Variants in NRK observed in about 807,000 individuals in gnomAD.
The protein encoded by NRK is Nik related kinase.
NRK carries 67 observed loss-of-function variants against 125.2 expected under a neutral mutation model. The ratio of observed to expected loss-of-function variants is 0.54; its 90% CI spans 0.44 to 0.66. The LOEUF is 0.66. Among genes scored for constraint, NRK ranks in the 30% least tolerant of loss-of-function variants. The probability of loss-of-function intolerance (pLI) is 0.00; values close to 1 mark genes in which losing one functional copy is unlikely to be tolerated. For synonymous variants in NRK, 458 were observed against 429.0 expected (o/e 1.07, Z -0.84); for missense variants, 1,224 against 1,192.9 (o/e 1.03, Z -0.38).
chrX:105,931,077 G>A (rs754479857), intron 19 of NRK, among the ~76,000 whole-genome samples: 6 of 112,505 alleles, frequency 5.3e-5, no homozygotes, highest in Non-Finnish European at 9.4e-5. Flanking sequence ...TGGGATCAGT[G>A]CTGCTGAGCT....
At chrX:105,827,324 T>C (rs1356336599) in intron 1 of NRK, among the ~76,000 whole-genome samples, 1 of 112,231 alleles carries the variant, frequency 8.9e-6, no homozygotes. Context: ...GTCTCCTTCT[T>C]TTTGCAGCCT....
chrX:105,949,785 G>T, intron 27 of NRK, 51 bp downstream of exon 27: 6 of 826,163 alleles, frequency 7.3e-6, no homozygotes, highest in South Asian at 3.1e-5. Flanking sequence ...AATTTACAAG[G>T]GTAAAAAAGT....
Position 105,924,775 on chromosome X carries a change from A to G in NRK, c.3056A>G (p.Tyr1019Cys). Residue 1019 changes from tyrosine to cysteine, a missense_variant, in exon 19 of 29, where the codon TAT becomes TGT. Transcript: ENST00000243300. Reference sequence around the variant, plus strand: ...GGAAAAGAGGAAGCCTACAGAGGCTATGGAAGCCATACAGCCAATAGAAGC... The same window carrying G: ...GGAAAAGAGGAAGCCTACAGAGGCTGTGGAAGCCATACAGCCAATAGAAGC... Reference protein sequence around the residue: ...SRGKEEAYRGYGSHTANRSHG... With the variant: ...SRGKEEAYRGCGSHTANRSHG... The G allele has an allele frequency of 8.3e-7, 1 of 1,207,926 alleles. No individual in the cohort carries two copies. The highest frequency in any genetic ancestry group is 1.1e-6 in the Non-Finnish European group (1 of 893,023).
intron 26 of NRK, 142 bp downstream of exon 26, chrX:105,946,606 C>T (rs900139142): frequency 1.5e-5 from 6 of 404,283 alleles, no homozygotes; most frequent in Non-Finnish European, 2.1e-5. Context: ...GTATAGAGTG[C>T]CAGAAAGTGG....
chrX:105,890,430 A>G (rs1222607720), intron 5 of NRK, among the ~76,000 whole-genome samples: 1 of 112,080 alleles, frequency 8.9e-6, no homozygotes, highest in Non-Finnish European at 1.9e-5. Flanking sequence ...AGGTATCTTT[A>G]CAGCAGTGCC....
chrX:105,895,619 C>G, intron 7 of NRK, 96 bp downstream of exon 7: 1 of 577,866 alleles, frequency 1.7e-6, no homozygotes, highest in Non-Finnish European at 2.8e-6. Context: ...CTGCCAATAT[C>G]CTCTACTTAT....
At chrX:105,860,497 A>T (rs1469628690) in intron 2 of NRK, among the ~76,000 whole-genome samples, 1 of 110,345 alleles carries the variant, frequency 9.1e-6, no homozygotes, top group East Asian at 2.9e-4. Context: ...AACCATGATA[A>T]CTATTTGATT....
chrX:105,921,475 G>A (rs1415002546), intron 16 of NRK, among the ~76,000 whole-genome samples: 2 of 106,331 alleles, frequency 1.9e-5, no homozygotes, highest in African/African-American at 6.9e-5. Flanking sequence ...AAAACTTAAA[G>A]TATAATTAAA....
intron 1 of NRK, among the ~76,000 whole-genome samples, chrX:105,827,286 T>C (rs2039128015): frequency 8.9e-6 from 1 of 112,198 alleles, no homozygotes; most frequent in Non-Finnish European, 1.9e-5. Context: ...GAGGAAAGCC[T>C]CTGCTGTCTC....
intron 19 of NRK, among the ~76,000 whole-genome samples, chrX:105,929,598 T>C (rs1013295440): frequency 9.0e-6 from 1 of 111,405 alleles, no homozygotes; most frequent in East Asian, 2.8e-4. Flanking sequence ...TATTCTCTTA[T>C]TGTTAATCTA....
At chrX:105,891,830 G>T (rs2040019223) in intron 5 of NRK, among the ~76,000 whole-genome samples, 1 of 112,196 alleles carries the variant, frequency 8.9e-6, no homozygotes, top group Non-Finnish European at 1.9e-5. Context: ...CAGATGTCCA[G>T]TTAACATGCA....
At chrX:105,855,852 G>A (rs1222615687) in intron 2 of NRK, among the ~76,000 whole-genome samples, 1 of 111,234 alleles carries the variant, frequency 9.0e-6, no homozygotes, top group Non-Finnish European at 1.9e-5. Flanking sequence ...AGGATCAGTA[G>A]GATAGTCTCT....
chrX:105,935,012 G>A (rs1164646542), intron 20 of NRK, among the ~76,000 whole-genome samples, 158 bp from the exon 21 acceptor site: 1 of 111,124 alleles, frequency 9.0e-6, no homozygotes, highest in Admixed American at 9.6e-5. Context: ...CTCATTTGCG[G>A]AAACACTGTA....
Position 105,922,713 on chromosome X carries a change from G to A in NRK, c.2611-405G>A, listed in dbSNP as rs183553006. Among the ~76,000 whole-genome samples, 13 of 111,557 alleles carry A rather than the reference G, an allele frequency of 1.2e-4. No homozygotes were observed. In the East Asian group the frequency reaches 1.4e-3, roughly 12 times the overall value. Reference sequence around the variant, plus strand: ...GATACTTTAAGACAACCCATGGCACGTAAAACCTGAGCTGGTAAATTAACA... The same window carrying A: ...GATACTTTAAGACAACCCATGGCACATAAAACCTGAGCTGGTAAATTAACA... On this transcript the variant is annotated intron_variant, in intron 17 of 28. Coordinates refer to ENST00000243300, the MANE Select transcript of NRK (RefSeq NM_198465.4).
chrX:105,929,858 AT>A (rs753162001), intron 19 of NRK, among the ~76,000 whole-genome samples: 1 of 111,391 alleles, frequency 9.0e-6, no homozygotes, highest in Non-Finnish European at 1.9e-5. Context: ...TGGTGATACT[AT>A]TTTGGGCTAT....
rs764020798 is a variant in NRK, at chrX:105,836,455, A to G, written c.123+5336A>G. ...CTTAAAAAAACTTCATTTACACCAG[A>G]ATGATTTCCGTCTGTCACTCATTGA... On this transcript the variant is annotated intron_variant, in intron 2 of 28. Coordinates refer to ENST00000243300, the MANE Select transcript of NRK (RefSeq NM_198465.4). Among the ~76,000 whole-genome samples, 16 of 111,725 alleles carry G rather than the reference A, an allele frequency of 1.4e-4. 1 individual carries two copies. In the South Asian group the frequency reaches 5.9e-3, roughly 41 times the overall value.
intron 27 of NRK, among the ~76,000 whole-genome samples, chrX:105,952,525 A>G (rs1295657714): frequency 8.9e-6 from 1 of 112,392 alleles, no homozygotes; most frequent in Non-Finnish European, 1.9e-5. Flanking sequence ...TGCTTACAAC[A>G]TGATAATTTA....
intron 2 of NRK, among the ~76,000 whole-genome samples, chrX:105,839,423 A>C (rs1388058107): frequency 3.6e-5 from 4 of 111,584 alleles, no homozygotes; most frequent in Non-Finnish European, 5.7e-5. Flanking sequence ...GGCCACAGGC[A>C]TACTAGGCTA....
chrX:105,954,277 T>C (rs2040943691), intron 28 of NRK, among the ~76,000 whole-genome samples: 1 of 110,860 alleles, frequency 9.0e-6, no homozygotes, highest in Admixed American at 9.7e-5. Context: ...TAAAATGCTG[T>C]TTTCATATAC....
Sources: gnomAD v4.1 joint callset for allele counts (sites outside exome capture counted in the v4.1 genomes callset) on GRCh38, gnomAD v4.1.1 for gene constraint, MANE v1.5 for transcripts, NCBI Gene and HGNC (gene_info 2026-07-23, HGNC 2026-07-21) for gene names.